Variants in SEMA3E observed in about 807,000 individuals in gnomAD.
SEMA3E encodes semaphorin-3E.
A neutral mutation model predicts 93.6 loss-of-function variants in SEMA3E; 49 were observed. That is an observed-to-expected ratio of 0.52 (90% CI 0.42 to 0.66). The LOEUF is 0.66. Among genes scored for constraint, SEMA3E ranks in the 30% least tolerant of loss-of-function variants. The probability of loss-of-function intolerance (pLI) is 0.00; values close to 1 mark genes in which losing one functional copy is unlikely to be tolerated. For synonymous variants in SEMA3E, 363 were observed against 330.7 expected, an observed-to-expected ratio of 1.10 and a Z score of -1.06; for missense variants, 906 against 964.8, an observed-to-expected ratio of 0.94 and a Z score of 0.81.
intron 1 of SEMA3E, among the ~76,000 whole-genome samples, chr7:83,541,944 A>G (rs1171707333): frequency 6.6e-6 from 1 of 152,088 alleles, no homozygotes; most frequent in Non-Finnish European, 1.5e-5. Flanking sequence ...AGAATCTGCA[A>G]AGAGAAGGTG....
chr7:83,418,527 A>G, intron 4 of SEMA3E, 44 bp from the exon 5 acceptor site: 1 of 1,289,466 alleles, frequency 7.8e-7, no homozygotes, highest in Non-Finnish European at 1.1e-6. Flanking sequence ...TGCCTCCTCT[A>G]ATAATCATTT....
At chr7:83,593,284 C>CTCTGTGTGTG (rs1324576607) in intron 1 of SEMA3E, among the ~76,000 whole-genome samples, 1 of 116,698 alleles carries the variant, frequency 8.6e-6, no homozygotes, top group Non-Finnish European at 1.8e-5. Flanking sequence ...CTCTCTCTCT[C>CTCTGTGTGTG]TGTGTGTGTG....
intron 1 of SEMA3E, among the ~76,000 whole-genome samples, chr7:83,490,553 G>A (rs144451505): frequency 1.3e-5 from 2 of 152,086 alleles, no homozygotes; most frequent in African/African-American, 4.8e-5. Flanking sequence ...TAAAGTGCTA[G>A]GTGAAAGTCA....
chr7:83,489,539 T>G (rs1790336489), intron 2 of SEMA3E, among the ~76,000 whole-genome samples: 4 of 152,108 alleles, frequency 2.6e-5, no homozygotes, highest in Admixed American at 6.6e-5. Flanking sequence ...TGTGTAAGAT[T>G]TATATGAGTC....
intron 14 of SEMA3E, 121 bp from the exon 15 acceptor site, chr7:83,387,171 G>GA: frequency 1.2e-6 from 1 of 814,078 alleles, no homozygotes; most frequent in Non-Finnish European, 2.0e-6. Context: ...TCATTCATAT[G>GA]AAAAAAGAAT....
intron 4 of SEMA3E, among the ~76,000 whole-genome samples, chr7:83,458,973 G>GTGTGTGTATA (rs57694179): frequency 7.1e-6 from 1 of 140,628 alleles, no homozygotes; most frequent in Non-Finnish European, 1.5e-5. Flanking sequence ...GTGTGTGTGT[G>GTGTGTGTATA]TATATATATA....
chr7:83,496,133 A>G (rs913052561), intron 1 of SEMA3E, among the ~76,000 whole-genome samples: 1 of 151,970 alleles, frequency 6.6e-6, no homozygotes, highest in Admixed American at 6.6e-5. Context: ...TCTGTATGCA[A>G]AAAGAGAATT....
chr7:83,490,236 G>T lies in SEMA3E; in HGVS notation c.154C>A (p.Pro52Thr), dbSNP rs1033262030. 8 of 1,612,540 alleles carry T rather than the reference G, an allele frequency of 5.0e-6. No individual in the cohort carries two copies. Among genetic ancestry groups the T allele is most frequent in the Non-Finnish European group, 6.8e-6 (8 of 1,179,364 alleles). The change falls in exon 2 of 17, where the codon CCT becomes ACT. Residue 52 changes from proline (P) to threonine (T), a missense_variant. Pro to Thr is a conservative substitution (Grantham distance 38, BLOSUM62 -1). Coordinates refer to ENST00000643230, the MANE Select transcript of SEMA3E (RefSeq NM_012431.3). ...NLNRTSIFHS[P>T]FGFLDLHTML... ...GTATGGAGATCAAGAAATCCAAAAG[G>T]GCTATGAAATATTGATGTTCTGTTC... is the stretch of plus-strand genomic sequence containing the variant.
intron 14 of SEMA3E, among the ~76,000 whole-genome samples, chr7:83,387,821 T>C (rs1206781822): frequency 6.9e-6 from 1 of 145,816 alleles, no homozygotes; most frequent in Non-Finnish European, 1.5e-5. Flanking sequence ...AGAATATATA[T>C]GTTTATATAT....
At chr7:83,517,511 G>T (rs1231246828) in intron 1 of SEMA3E, among the ~76,000 whole-genome samples, 1 of 152,112 alleles carries the variant, frequency 6.6e-6, no homozygotes, top group Admixed American at 6.6e-5. Context: ...ACTAAGTAAA[G>T]AATTTGCAAT....
intron 1 of SEMA3E, among the ~76,000 whole-genome samples, chr7:83,577,740 G>A (rs1792435591): frequency 6.6e-6 from 1 of 152,014 alleles, no homozygotes; most frequent in African/African-American, 2.4e-5. Context: ...AGGAGAATTG[G>A]CTCTAGGAGA....
At chr7:83,441,836 G>C (rs745436973) in intron 4 of SEMA3E, among the ~76,000 whole-genome samples, 4 of 152,158 alleles carry the variant, frequency 2.6e-5, no homozygotes, top group Non-Finnish European at 5.9e-5. Flanking sequence ...TCCTTCCAGA[G>C]AGGAAAAGGT....
rs200714352 is a variant in SEMA3E at position 83,407,150 on chromosome 7, C to G, written c.760G>C (p.Glu254Gln). ...ATTGCGTGAGCATTGTTTTCTGCCT[C>G]CAGTGCCTTCTCAGTAAAAAAGAAA... ...VYFFFTEKAL[E>Q]AENNAHAIYT... Residue 254 changes from glutamate to glutamine, a missense_variant, in exon 7 of 17, where the codon GAG (glutamate) becomes CAG (glutamine). By Grantham distance (29) the Glu-to-Gln change is conservative. Transcript: ENST00000643230. 1.2e-5 allele frequency: 20 copies of G among 1,613,628 alleles called. No individual in the cohort carries two copies. The East Asian group carries it at 4.5e-4, about 36-fold the overall frequency.
At chr7:83,635,881 C>A (rs200705991) in intron 1 of SEMA3E, among the ~76,000 whole-genome samples, 151 of 139,482 alleles carry the variant, frequency 1.1e-3, no homozygotes, top group Admixed American at 1.2e-3. Flanking sequence ...GACAGACTGA[C>A]AAAAAAAAAA....
chr7:83,459,728 C>A (rs372748556), intron 4 of SEMA3E, among the ~76,000 whole-genome samples: 40 of 152,286 alleles, frequency 2.6e-4, no homozygotes, highest in Admixed American at 6.5e-4. Context: ...CGTATTCGCC[C>A]AGATGGCCTG....
chr7:83,404,466 A>C (rs1788289208), intron 9 of SEMA3E, among the ~76,000 whole-genome samples: 1 of 151,954 alleles, frequency 6.6e-6, no homozygotes, highest in South Asian at 2.1e-4. Context: ...AAGAGAATTG[A>C]GGTATATTCT....
At chr7:83,438,749 A>G (rs58746323) in intron 4 of SEMA3E, among the ~76,000 whole-genome samples, 8,835 of 152,086 alleles carry the variant, frequency 0.058, 456 homozygotes, top group African/African-American at 0.13. Flanking sequence ...ATATATAATA[A>G]AAGTAGGCAT....
chr7:83,531,715 A>G (rs552383700), intron 1 of SEMA3E, among the ~76,000 whole-genome samples: 1 of 152,318 alleles, frequency 6.6e-6, no homozygotes, highest in East Asian at 1.9e-4. Flanking sequence ...TGTTTGCATG[A>G]CATTAACTTA....
At chr7:83,462,560 T>A (rs942799815) in intron 4 of SEMA3E, among the ~76,000 whole-genome samples, 1 of 152,084 alleles carries the variant, frequency 6.6e-6, no homozygotes, top group African/African-American at 2.4e-5. Flanking sequence ...CCCACAAGTA[T>A]AAGATACCTC....
Sources: allele counts gnomAD v4.1 joint callset (sites outside exome capture counted in the v4.1 genomes callset), GRCh38; gene constraint gnomAD v4.1.1; transcripts MANE v1.5; gene names NCBI Gene and HGNC (gene_info 2026-07-23, HGNC 2026-07-21).